The following WDR59 variants were observed in gnomAD, a reference collection of about 807,000 sequenced individuals.
WDR59 encodes the protein WD repeat domain 59.
In WDR59, 100 loss-of-function variants were observed where a neutral mutation model predicts 131.2. The observed-to-expected ratio is 0.76, with a 90% confidence interval of 0.65 to 0.90. The LOEUF is 0.90. WDR59 is among the 40% of genes least tolerant of loss of function. The probability of loss-of-function intolerance (pLI) is 0.00; values close to 1 mark genes in which losing one functional copy is unlikely to be tolerated. For synonymous variants in WDR59, 601 were observed against 466.2 expected (o/e 1.29, Z -3.72); for missense variants, 1,203 against 1,262.2 (o/e 0.95, Z 0.71).
In WDR59 at chr16:74,887,758, A is replaced by G. The variant is rs1964838064; in HGVS notation, c.2347-3T>C. On this transcript the variant is annotated splice_region_variant and splice_polypyrimidine_tract_variant and intron_variant, in intron 22 of 25. Coordinates refer to ENST00000262144, the MANE Select transcript of WDR59 (RefSeq NM_030581.4). ...GAACCAGAAGAGGTAAAGCTAGGCT[A>G]CAGAAGGGAAGAGAAGAACCAACAG... The G allele has an allele frequency of 6.2e-7, 1 of 1,613,748 alleles. No homozygotes were observed.
intron 3 of WDR59, among the ~76,000 whole-genome samples, chr16:74,956,066 G>T (rs2033274892): frequency 6.6e-6 from 1 of 152,026 alleles, no homozygotes; most frequent in Non-Finnish European, 1.5e-5. Context: ...AAGGGTAGGG[G>T]GAGTCTTCTG....
chr16:74,956,667 G>A, intron 2 of WDR59, 57 bp from the exon 3 acceptor site: 1 of 1,577,820 alleles, frequency 6.3e-7, no homozygotes, highest in Non-Finnish European at 8.6e-7. Context: ...TTAGCATTAA[G>A]ATAGAAAAGC....
chr16:74,885,384 G>A (rs1020643490), intron 25 of WDR59, among the ~76,000 whole-genome samples: 2 of 137,842 alleles, frequency 1.5e-5, no homozygotes, highest in African/African-American at 5.3e-5. Context: ...AGAAGGCAGA[G>A]GTTCAGTGAG....
chr16:74,985,079 C>T lies in WDR59; in HGVS notation c.-62G>A. 1.3e-6 allele frequency: 2 copies of T among 1,489,306 alleles called. No individual in the cohort carries two copies. Among genetic ancestry groups the T allele is most frequent in the Admixed American group, 2.0e-5 (1 of 50,798 alleles). The allele number at this position is 1,489,306 out of a possible 1,614,324, so 92.3% of individuals were successfully genotyped here. On this transcript the variant is annotated 5_prime_UTR_variant, in exon 1 of 26. Transcript: ENST00000262144. ...CCTCCCACCCCGCCGTCCCCAGTATCCCGGGACCGTGCGCCCCACACAGCC... is the reference window on the plus strand; with the variant it reads ...CCTCCCACCCCGCCGTCCCCAGTATTCCGGGACCGTGCGCCCCACACAGCC...
intron 18 of WDR59, among the ~76,000 whole-genome samples, chr16:74,899,235 G>A (rs1281011698): frequency 1.3e-5 from 2 of 152,204 alleles, no homozygotes; most frequent in African/African-American, 4.8e-5. Flanking sequence ...TAGCTTCCGT[G>A]TTATGCCAAT....
At chr16:74,886,453 C>G in intron 23 of WDR59, 57 bp from the exon 24 acceptor site, 1 of 1,594,120 alleles carries the variant, frequency 6.3e-7, no homozygotes, top group Middle Eastern at 2.2e-4. Flanking sequence ...TGGAAAATAT[C>G]TGAAGAGTCT....
At chr16:74,978,140 G>C (rs1030506349) in intron 1 of WDR59, among the ~76,000 whole-genome samples, 1 of 152,112 alleles carries the variant, frequency 6.6e-6, no homozygotes, top group African/African-American at 2.4e-5. Context: ...TGGATCGTGA[G>C]GTCAGGAGTT....
chr16:74,947,594 T>G (rs184678627), intron 6 of WDR59, among the ~76,000 whole-genome samples: 336 of 152,222 alleles, frequency 2.2e-3, no homozygotes, highest in Non-Finnish European at 3.8e-3. Context: ...TTCAAACAAT[T>G]TGTAACTAAA....
rs754638580 is a variant in WDR59, at chr16:74,874,098, C to G, written c.*111G>C. The G allele has an allele frequency of 3.4e-6, 3 of 878,150 alleles. No homozygotes were observed. The East Asian group carries it at 7.9e-5, about 23-fold the overall frequency. 54.4% of individuals were successfully genotyped at this position (878,150 alleles called of 1,614,324 possible). A position where few individuals can be genotyped will look rare whatever the true frequency, so the allele number is the denominator to read the frequency against. On this transcript the variant is annotated 3_prime_UTR_variant, in exon 26 of 26. Coordinates refer to ENST00000262144, the MANE Select transcript of WDR59 (RefSeq NM_030581.4). ...GCGCAGTCCTTGGGGGATCATCCTC[C>G]GGTCTCACTGGGGACGAACCCAGGT... is the stretch of plus-strand genomic sequence containing the variant.
rs1331580922 is a variant in WDR59, at chr16:74,948,554, T to A, written c.410A>T (p.Asp137Val). ...CAGTGCAACAGTAGGTTTCCTTGTG[T>A]CTCTGAAATATAAAAATAAAAAATC... ...DTYIYIWDIK[D>V]TRKPTVALSA... The change falls in exon 6 of 26, where the codon GAC (aspartate) becomes GTC (valine). Residue 137 changes from aspartate to valine, a missense_variant and splice_region_variant. Coordinates refer to ENST00000262144, the MANE Select transcript of WDR59 (RefSeq NM_030581.4). 6.2e-7 allele frequency: 1 copy of A among 1,613,122 alleles called. No individual in the cohort carries two copies. Among genetic ancestry groups the A allele is most frequent in the Admixed American group, 1.7e-5 (1 of 59,986 alleles).
At chr16:74,933,787 G>A (rs1179117957) in intron 8 of WDR59, among the ~76,000 whole-genome samples, 1 of 152,180 alleles carries the variant, frequency 6.6e-6, no homozygotes, top group Non-Finnish European at 1.5e-5. Context: ...GTTACACCAT[G>A]TTAGTGGGGC....
intron 2 of WDR59, among the ~76,000 whole-genome samples, chr16:74,962,030 C>T (rs1460023124): frequency 3.3e-5 from 5 of 152,124 alleles, no homozygotes; most frequent in African/African-American, 7.2e-5. Context: ...CTTCCAGCAC[C>T]ACTTGTTAAA....
At chr16:74,880,557 A>T (rs897332619) in intron 25 of WDR59, among the ~76,000 whole-genome samples, 1 of 152,206 alleles carries the variant, frequency 6.6e-6, no homozygotes, top group Non-Finnish European at 1.5e-5. Context: ...TCCTCCCAGG[A>T]AACTTCTTTG....
At chr16:74,914,295 A>T (rs1407484841) in intron 13 of WDR59, among the ~76,000 whole-genome samples, 2 of 152,260 alleles carry the variant, frequency 1.3e-5, no homozygotes, top group African/African-American at 4.8e-5. Context: ...AAAGGAATCA[A>T]GATCTTAAAC....
At chr16:74,911,082 T>G (rs1262586524) in intron 14 of WDR59, among the ~76,000 whole-genome samples, 5 of 152,166 alleles carry the variant, frequency 3.3e-5, no homozygotes, top group Non-Finnish European at 5.9e-5. Context: ...CAGGCTGGTC[T>G]TGAACTCCTG....
chr16:74,980,733 A>G (rs1218049350), intron 1 of WDR59, among the ~76,000 whole-genome samples: 1 of 152,012 alleles, frequency 6.6e-6, no homozygotes, highest in Non-Finnish European at 1.5e-5. Context: ...GCGCTTTGGG[A>G]GGCTGAGGCA....
At chr16:74,939,108 A>G (rs2032028642) in intron 7 of WDR59, among the ~76,000 whole-genome samples, 1 of 151,636 alleles carries the variant, frequency 6.6e-6, no homozygotes, top group East Asian at 2.0e-4. Flanking sequence ...TGGGTGGATC[A>G]CCTGAGGTCA....
chr16:74,976,585 G>T (rs957833892), intron 1 of WDR59, among the ~76,000 whole-genome samples: 6 of 151,854 alleles, frequency 4.0e-5, no homozygotes, highest in Non-Finnish European at 7.4e-5. Flanking sequence ...GGGACTACAG[G>T]TGCCCACCAC....
chr16:74,938,157 G>A lies in WDR59; in HGVS notation c.644C>T (p.Ser215Phe). 3 of 1,548,516 alleles carry A rather than the reference G, an allele frequency of 1.9e-6. No individual in the cohort carries two copies. Among genetic ancestry groups the A allele is most frequent in the Non-Finnish European group, 2.6e-6 (3 of 1,147,624 alleles). The change falls in exon 8 of 26, where the codon TCT (serine) becomes TTT (phenylalanine). Residue 215 changes from serine to phenylalanine, a missense_variant. Ser to Phe is a radical substitution (Grantham distance 155). Coordinates refer to ENST00000262144, the MANE Select transcript of WDR59 (RefSeq NM_030581.4). ...HILATSSQDNSVKFWDYRQPR... is the reference protein window; with the variant it reads ...HILATSSQDNFVKFWDYRQPR... ...CCCATGGGTGCCACTGACCTTCACA[G>A]AATTGTCTTGACTGGAGGTAGCAAG... is the stretch of plus-strand genomic sequence containing the variant.
Sources: gnomAD v4.1 joint callset for allele counts (sites outside exome capture counted in the v4.1 genomes callset) on GRCh38, gnomAD v4.1.1 for gene constraint, MANE v1.5 for transcripts, NCBI Gene and HGNC (gene_info 2026-07-23, HGNC 2026-07-21) for gene names.